The following MLLT3 variants were observed in gnomAD, a reference collection of about 807,000 sequenced individuals.
The protein encoded by MLLT3 is MLLT3 super elongation complex subunit, also known as protein AF-9.
MLLT3 carries 4 observed loss-of-function variants against 53.2 expected under a neutral mutation model. The ratio of observed to expected loss-of-function variants is 0.08; its 90% CI spans 0.04 to 0.17. The LOEUF (loss-of-function observed/expected upper bound fraction) is 0.17, where lower values mean the gene tolerates loss of function less well. Ranked by LOEUF, MLLT3 falls within the 10% of genes least tolerant of loss-of-function variation. The pLI is 1.00. For missense variants in MLLT3, 569 were observed against 684.0 expected (o/e 0.83, Z 1.87); for synonymous variants, 283 against 230.6 (o/e 1.23, Z -2.06).
intron 2 of MLLT3, among the ~76,000 whole-genome samples, chr9:20,611,428 G>A (rs779999626): frequency 6.6e-6 from 1 of 151,930 alleles, no homozygotes; most frequent in African/African-American, 2.4e-5. Context: ...TACACACACA[G>A]AGCATTTTGC....
intron 8 of MLLT3, among the ~76,000 whole-genome samples, chr9:20,356,396 C>T (rs1821172066): frequency 6.6e-6 from 1 of 152,094 alleles, no homozygotes; most frequent in Non-Finnish European, 1.5e-5. Context: ...AAACCAAATA[C>T]TCCACTACAT....
chr9:20,426,203 C>T (rs1213274723), intron 4 of MLLT3, among the ~76,000 whole-genome samples: 1 of 152,086 alleles, frequency 6.6e-6, no homozygotes, highest in Non-Finnish European at 1.5e-5. Flanking sequence ...TTCAAGTAAA[C>T]TTCTGCCTAT....
chr9:20,513,225 C>G (rs1277520650), intron 2 of MLLT3, among the ~76,000 whole-genome samples: 1 of 152,182 alleles, frequency 6.6e-6, no homozygotes, highest in Admixed American at 6.5e-5. Context: ...CTGGTTTATA[C>G]TGGCAGGTAC....
At chr9:20,382,109 T>G (rs1483525024) in intron 5 of MLLT3, among the ~76,000 whole-genome samples, 4 of 151,886 alleles carry the variant, frequency 2.6e-5, no homozygotes, top group South Asian at 2.1e-4. Flanking sequence ...GCTCCTATTT[T>G]AAAACTTTTT....
At chr9:20,424,976 C>T (rs1248864707) in intron 4 of MLLT3, among the ~76,000 whole-genome samples, 2 of 152,182 alleles carry the variant, frequency 1.3e-5, no homozygotes, top group Non-Finnish European at 2.9e-5. Flanking sequence ...CTTTCTATTA[C>T]TACCACCACC....
chr9:20,496,561 A>T (rs1374489136), intron 2 of MLLT3, among the ~76,000 whole-genome samples: 1 of 151,910 alleles, frequency 6.6e-6, no homozygotes, highest in Non-Finnish European at 1.5e-5. Flanking sequence ...CACACACATT[A>T]AAAAAAATAA....
chr9:20,494,993 A>T (rs558064629), intron 2 of MLLT3, among the ~76,000 whole-genome samples: 2 of 152,252 alleles, frequency 1.3e-5, no homozygotes, highest in East Asian at 3.9e-4. Flanking sequence ...AAATTGGCCC[A>T]CTTTCATAAA....
At chr9:20,622,005 G>A in intron 1 of MLLT3, 5 of 1,392,566 alleles carry the variant, frequency 3.6e-6, no homozygotes, top group Non-Finnish European at 4.6e-6. Context: ...GGCGCGGGGG[G>A]TGGAGGGGCG....
At chr9:20,387,230 T>C (rs1463826748) in intron 5 of MLLT3, among the ~76,000 whole-genome samples, 2 of 152,234 alleles carry the variant, frequency 1.3e-5, no homozygotes, top group African/African-American at 2.4e-5. Context: ...GCAGACAGTA[T>C]GTAAACAAGT....
At chr9:20,531,078 GC>G (rs1486073245) in intron 2 of MLLT3, among the ~76,000 whole-genome samples, 1 of 136,542 alleles carries the variant, frequency 7.3e-6, no homozygotes, top group Non-Finnish European at 1.6e-5. Context: ...TTTGCTTTTA[GC>G]TTTTTTTTTT....
intron 2 of MLLT3, among the ~76,000 whole-genome samples, chr9:20,611,311 T>G (rs1209616023): frequency 6.6e-6 from 1 of 152,196 alleles, no homozygotes; most frequent in Non-Finnish European, 1.5e-5. Context: ...AAAATTTATA[T>G]CTGAAAACAT....
intron 2 of MLLT3, chr9:20,533,024 T>C (rs542533616): frequency 1.2e-4 from 34 of 273,736 alleles, no homozygotes; most frequent in African/African-American, 7.8e-4. Flanking sequence ...TGGTGGTGAC[T>C]GCACACAACA....
At chr9:20,470,055 A>T (rs1176191126) in intron 2 of MLLT3, among the ~76,000 whole-genome samples, 1 of 152,046 alleles carries the variant, frequency 6.6e-6, no homozygotes, top group Non-Finnish European at 1.5e-5. Context: ...AAATTTTATG[A>T]AGAAAAAAAC....
intron 2 of MLLT3, among the ~76,000 whole-genome samples, chr9:20,544,040 G>A (rs1394314378): frequency 1.3e-5 from 2 of 152,164 alleles, no homozygotes; most frequent in African/African-American, 4.8e-5. Context: ...AGAGAACCCA[G>A]AAGTAAAGTC....
chr9:20,374,095 A>G (rs1268016402), intron 5 of MLLT3, among the ~76,000 whole-genome samples: 2 of 152,178 alleles, frequency 1.3e-5, no homozygotes, highest in Non-Finnish European at 2.9e-5. Flanking sequence ...AAAAAATAAC[A>G]TAACAAGCTA....
At chr9:20,592,652 A>AT (rs1820158109) in intron 2 of MLLT3, among the ~76,000 whole-genome samples, 1 of 152,206 alleles carries the variant, frequency 6.6e-6, no homozygotes, top group African/African-American at 2.4e-5. Context: ...GGCACATAAC[A>AT]TTATAACTGG....
intron 4 of MLLT3, among the ~76,000 whole-genome samples, chr9:20,417,409 A>T (rs946459659): frequency 6.7e-6 from 1 of 148,716 alleles, no homozygotes; most frequent in Non-Finnish European, 1.5e-5. Context: ...TATATATATA[A>T]TATACATGGG....
intron 2 of MLLT3, among the ~76,000 whole-genome samples, chr9:20,539,806 T>G (rs576357001): frequency 3.3e-5 from 5 of 152,250 alleles, no homozygotes; most frequent in African/African-American, 1.2e-4. Flanking sequence ...AAGTCTTAAC[T>G]CATTCCAGCA....
At chr9:20,355,095 T>TAAAAAAAAA (rs531598773) in intron 8 of MLLT3, among the ~76,000 whole-genome samples, 12 of 64,126 alleles carry the variant, frequency 1.9e-4, no homozygotes, top group African/African-American at 6.0e-4. Context: ...AAAGTAGAAC[T>TAAAAAAAAA]AAAAAAAAAA....
Sources: gnomAD v4.1 joint callset for allele counts (sites outside exome capture counted in the v4.1 genomes callset) on GRCh38, gnomAD v4.1.1 for gene constraint, MANE v1.5 for transcripts, NCBI Gene and HGNC (gene_info 2026-07-23, HGNC 2026-07-21) for gene names.